The following PTPRD variants were observed in gnomAD, a reference collection of about 807,000 sequenced individuals.
PTPRD encodes receptor-type tyrosine-protein phosphatase delta.
A neutral mutation model predicts 214.5 loss-of-function variants in PTPRD; 34 were observed. The ratio of observed to expected loss-of-function variants is 0.16; its 90% CI spans 0.12 to 0.21. The LOEUF is 0.21. PTPRD is among the 10% of genes least tolerant of loss of function. PTPRD has a pLI of 1.00. For missense variants in PTPRD, 2,545 were observed against 2,398.7 expected (o/e 1.06, Z -1.27); for synonymous variants, 1,128 against 845.7 (o/e 1.33, Z -5.79).
At chr9:9,324,935 T>C (rs953782783) in intron 9 of PTPRD, among the ~76,000 whole-genome samples, 92 of 152,226 alleles carry the variant, frequency 6.0e-4, no homozygotes, top group African/African-American at 2.2e-3. Flanking sequence ...CCAGCACCAT[T>C]CATTAAATAG....
At chr9:8,929,933 A>ATATATATATGTG (rs2098939803) in intron 11 of PTPRD, among the ~76,000 whole-genome samples, 2 of 111,008 alleles carry the variant, frequency 1.8e-5, no homozygotes. Context: ...ATATATGTGT[A>ATATATATATGTG]TATATATATG....
At chr9:9,671,165 C>G (rs959264825) in intron 7 of PTPRD, among the ~76,000 whole-genome samples, 5 of 152,248 alleles carry the variant, frequency 3.3e-5, no homozygotes, top group Admixed American at 2.6e-4. Context: ...CTCTTGCATA[C>G]AGTGACCTGG....
intron 35 of PTPRD, among the ~76,000 whole-genome samples, chr9:8,414,935 GAGAGA>G (rs2131251102): frequency 1.8e-5 from 1 of 54,632 alleles, no homozygotes; most frequent in East Asian, 3.0e-3. Flanking sequence ...GAGGGGGAGA[GAGAGA>G]GAGAGAGAGA....
intron 7 of PTPRD, among the ~76,000 whole-genome samples, chr9:9,656,277 C>T (rs889229549): frequency 1.3e-5 from 2 of 152,102 alleles, no homozygotes; most frequent in Non-Finnish European, 2.9e-5. Context: ...TACCAAAATG[C>T]GTTGAAAACT....
chr9:9,172,381 T>G (rs1449886891), intron 10 of PTPRD, among the ~76,000 whole-genome samples: 1 of 152,158 alleles, frequency 6.6e-6, no homozygotes, highest in East Asian at 1.9e-4. Context: ...CAAGCATGTA[T>G]AAATATAACT....
chr9:9,932,286 G>A (rs1251586690), intron 5 of PTPRD, among the ~76,000 whole-genome samples: 3 of 147,714 alleles, frequency 2.0e-5, no homozygotes, highest in South Asian at 2.1e-4. Context: ...TCTGAGCTAC[G>A]GGAGGACATT....
intron 10 of PTPRD, among the ~76,000 whole-genome samples, chr9:9,112,223 T>A (rs746356205): frequency 2.2e-4 from 33 of 152,306 alleles, no homozygotes; most frequent in Non-Finnish European, 4.1e-4. Flanking sequence ...ATTTCCAGCA[T>A]CTCACTGGGT....
intron 9 of PTPRD, among the ~76,000 whole-genome samples, chr9:9,188,234 A>C (rs1439445732): frequency 1.3e-5 from 2 of 152,090 alleles, no homozygotes; most frequent in Non-Finnish European, 2.9e-5. Context: ...TAATTTGTCA[A>C]ATATCTGAAT....
At chr9:9,547,052 A>G (rs773337943) in intron 8 of PTPRD, among the ~76,000 whole-genome samples, 37 of 152,054 alleles carry the variant, frequency 2.4e-4, no homozygotes, top group Non-Finnish European at 5.0e-4. Context: ...GAGGGTTCTC[A>G]TGCTTGTATG....
chr9:9,938,141 T>G (rs1006552356), intron 5 of PTPRD, among the ~76,000 whole-genome samples: 18 of 152,086 alleles, frequency 1.2e-4, no homozygotes, highest in African/African-American at 3.9e-4. Context: ...AATGTGTCAG[T>G]TGAAATGCTT....
Position 9,624,502 on chromosome 9 carries a change from G to A in PTPRD, c.-286-49721C>T, listed in dbSNP as rs555252322. Among the ~76,000 whole-genome samples the A allele has an allele frequency of 7.9e-5, 12 of 152,010 alleles. No homozygotes were observed. In the South Asian group the frequency reaches 2.3e-3, roughly 29 times the overall value. On this transcript the variant is annotated intron_variant, in intron 7 of 45. Coordinates refer to ENST00000381196, the MANE Select transcript of PTPRD (RefSeq NM_002839.4). Reference sequence around the variant, plus strand: ...AGGTTTTTGCCATGTTGGCCAGGCTGGTCTCAAACCCCCAACCTCAGGTGA... The same window carrying A: ...AGGTTTTTGCCATGTTGGCCAGGCTAGTCTCAAACCCCCAACCTCAGGTGA...
intron 14 of PTPRD, among the ~76,000 whole-genome samples, chr9:8,540,975 C>T (rs753146485): frequency 3.9e-5 from 6 of 152,090 alleles, no homozygotes; most frequent in Non-Finnish European, 7.4e-5. Flanking sequence ...GAGGTAATGG[C>T]AGTTTTCTTT....
chr9:10,388,391 G>T (rs1425699562), intron 2 of PTPRD, among the ~76,000 whole-genome samples: 4 of 151,004 alleles, frequency 2.6e-5, no homozygotes, highest in Non-Finnish European at 5.9e-5. Flanking sequence ...GGCAGGAGAA[G>T]TGACTAAATC....
rs567542702 is a variant in PTPRD at position 10,176,443 on chromosome 9, A to T, written c.-544-142653T>A. ...AATTGTCCAGAACCAATACAAGGAA[A>T]AAAGCAACATTTTGACCTATGTATC... On this transcript the variant is annotated intron_variant, in intron 3 of 45. Transcript: ENST00000381196. Among the ~76,000 whole-genome samples, 4 of 152,018 alleles carry T rather than the reference A, an allele frequency of 2.6e-5. No homozygotes were observed. The South Asian group carries it at 8.3e-4, about 31-fold the overall frequency.
chr9:9,557,098 T>C (rs193202285), intron 8 of PTPRD, among the ~76,000 whole-genome samples: 2 of 152,296 alleles, frequency 1.3e-5, no homozygotes, highest in South Asian at 2.1e-4. Context: ...TTTCAGCAAA[T>C]TGTCTGGGTT....
At chr9:9,942,780 T>A (rs1177704045) in intron 4 of PTPRD, among the ~76,000 whole-genome samples, 1 of 152,206 alleles carries the variant, frequency 6.6e-6, no homozygotes, top group South Asian at 2.1e-4. Context: ...TGAAATTTGT[T>A]AATAGCTTTG....
chr9:8,825,881 C>T (rs1365295744), intron 11 of PTPRD, among the ~76,000 whole-genome samples: 2 of 152,140 alleles, frequency 1.3e-5, no homozygotes, highest in Non-Finnish European at 2.9e-5. Context: ...TGAGCAGATG[C>T]CACAATTGTT....
chr9:8,521,205 G>A (rs1362839736), intron 20 of PTPRD, 72 bp downstream of exon 20: 2 of 1,492,430 alleles, frequency 1.3e-6, no homozygotes, highest in Non-Finnish European at 1.8e-6. Context: ...TTTCAAGGAT[G>A]GGCTTTCTAG....
At chr9:10,513,723 T>C (rs1029402181) in intron 2 of PTPRD, among the ~76,000 whole-genome samples, 16 of 152,194 alleles carry the variant, frequency 1.1e-4, no homozygotes, top group Non-Finnish European at 1.9e-4. Flanking sequence ...GCCAAGTCTC[T>C]ATCTCACTGT....
Sources: allele counts gnomAD v4.1 joint callset (sites outside exome capture counted in the v4.1 genomes callset), GRCh38; gene constraint gnomAD v4.1.1; transcripts MANE v1.5; gene names NCBI Gene and HGNC (gene_info 2026-07-23, HGNC 2026-07-21).